The following DMD variants were observed in gnomAD, a reference collection of about 807,000 sequenced individuals.
The protein encoded by DMD is dystrophin, also known as mutant dystrophin.
DMD carries 63 observed loss-of-function variants against 330.1 expected under a neutral mutation model. The observed-to-expected ratio is 0.19, with a 90% CI of 0.16 to 0.24. DMD has a LOEUF of 0.24. DMD is among the 10% of genes least tolerant of loss of function. The pLI, the probability that DMD is intolerant of heterozygous loss-of-function variation, is 1.00. For synonymous variants in DMD, 1,223 were observed against 959.8 expected (o/e 1.27, Z -5.07); for missense variants, 3,344 against 2,684.1 (o/e 1.25, Z -5.43).
chrX:32,430,220 A>G (rs60166128), intron 29 of DMD, among the ~76,000 whole-genome samples: 32,242 of 110,929 alleles, frequency 0.29, 5,501 homozygotes, highest in African/African-American at 0.65. Context: ...TCTCACCTCT[A>G]GCTGCTAATA....
intron 6 of DMD, among the ~76,000 whole-genome samples, chrX:32,815,343 G>A (rs1268163563): frequency 9.4e-6 from 1 of 106,907 alleles, no homozygotes; most frequent in Non-Finnish European, 1.9e-5. Flanking sequence ...AACATAACTT[G>A]CACTGAAAAT....
intron 1 of DMD, among the ~76,000 whole-genome samples, chrX:33,201,734 C>G (rs1365647121): frequency 8.9e-6 from 1 of 112,295 alleles, no homozygotes; most frequent in Non-Finnish European, 1.9e-5. Context: ...TAGTATGGCA[C>G]GTTAATCTAT....
intron 63 of DMD, among the ~76,000 whole-genome samples, chrX:31,228,164 A>C (rs1405952384): frequency 9.4e-6 from 1 of 106,360 alleles, no homozygotes; most frequent in African/African-American, 3.5e-5. Flanking sequence ...CTAGATGACG[A>C]GTTAGTGGGT....
intron 7 of DMD, among the ~76,000 whole-genome samples, chrX:32,761,929 T>C (rs972307169): frequency 9.1e-6 from 1 of 110,460 alleles, no homozygotes; most frequent in Non-Finnish European, 1.9e-5. Flanking sequence ...GATGGGCAGA[T>C]CACAAGGTAA....
chrX:31,319,033 G>A (rs953124002), intron 62 of DMD, among the ~76,000 whole-genome samples: 6 of 112,229 alleles, frequency 5.3e-5, no homozygotes, highest in Non-Finnish European at 1.1e-4. Flanking sequence ...ATGCAGAAGA[G>A]GTTATGACCT....
At chrX:31,231,444 T>C (rs2047195227) in intron 63 of DMD, among the ~76,000 whole-genome samples, 1 of 112,223 alleles carries the variant, frequency 8.9e-6, no homozygotes, top group Non-Finnish European at 1.9e-5. Context: ...TCCATAATCC[T>C]TTCATCTATC....
chrX:32,588,178 T>C (rs1380749317), intron 13 of DMD, among the ~76,000 whole-genome samples: 1 of 112,288 alleles, frequency 8.9e-6, no homozygotes, highest in Non-Finnish European at 1.9e-5. Flanking sequence ...CAAGAATGTG[T>C]AAGACACATC....
chrX:32,518,204 C>T (rs894950154), intron 17 of DMD, 73 bp from the exon 18 acceptor site: 2 of 1,010,129 alleles, frequency 2.0e-6, no homozygotes, highest in African/African-American at 3.8e-5. Context: ...AGCAATTTAT[C>T]CACATTTATC....
intron 61 of DMD, 92 bp from the exon 62 acceptor site, chrX:31,323,750 C>T: frequency 1.2e-6 from 1 of 807,711 alleles, no homozygotes; most frequent in Non-Finnish European, 1.8e-6. Context: ...TACAATTTTA[C>T]ACTGATATTG....
chrX:33,257,961 T>C (rs1178647839), intron 1 of DMD, among the ~76,000 whole-genome samples: 1 of 111,013 alleles, frequency 9.0e-6, no homozygotes, highest in African/African-American at 3.3e-5. Context: ...CAAGCCAGAA[T>C]GCTTTTCAAA....
intron 1 of DMD, among the ~76,000 whole-genome samples, chrX:33,236,344 A>T (rs763127280): frequency 9.4e-6 from 1 of 105,830 alleles, no homozygotes; most frequent in South Asian, 4.4e-4. Context: ...GGCTCACTGC[A>T]ACCTCAGCCT....
At chrX:31,121,973 C>CAGAT (rs755056874) in intron 78 of DMD, 43 bp from the exon 79 acceptor site, 26 of 976,356 alleles carry the variant, frequency 2.7e-5, no homozygotes, top group African/African-American at 3.8e-5. Context: ...ACAAAAGGTG[C>CAGAT]AGATAGATAG....
At chrX:31,586,357 A>G (rs1486507876) in intron 55 of DMD, among the ~76,000 whole-genome samples, 1 of 112,650 alleles carries the variant, frequency 8.9e-6, no homozygotes, top group Non-Finnish European at 1.9e-5. Context: ...TTTGAAACAG[A>G]GTATACTATT....
chrX:32,362,767 C>T, intron 37 of DMD, 21 bp downstream of exon 37: 1 of 1,210,220 alleles, frequency 8.3e-7, no homozygotes, highest in Non-Finnish European at 1.1e-6. Context: ...CAAGTTTCCA[C>T]CTTGGAGTAG....
intron 1 of DMD, among the ~76,000 whole-genome samples, chrX:33,298,614 T>C (rs147740045): frequency 0.034 from 3,794 of 111,701 alleles, 53 homozygotes; most frequent in South Asian, 0.078. Context: ...TAACAAATTC[T>C]ATTCTCTTAG....
At chrX:32,417,985 G>GTAAGAT in intron 29 of DMD, among the ~76,000 whole-genome samples, 1 of 110,254 alleles carries the variant, frequency 9.1e-6, no homozygotes, top group Middle Eastern at 4.7e-3. Context: ...AGGCAGTGGA[G>GTAAGAT]GTGTAAGATG....
intron 44 of DMD, among the ~76,000 whole-genome samples, chrX:32,061,679 C>T (rs950388784): frequency 4.5e-5 from 5 of 111,008 alleles, no homozygotes; most frequent in African/African-American, 1.6e-4. Context: ...TGCCATTGTT[C>T]CCTGGGGTCA....
intron 63 of DMD, among the ~76,000 whole-genome samples, chrX:31,245,519 A>G (rs1342279433): frequency 8.9e-6 from 1 of 111,926 alleles, no homozygotes; most frequent in African/African-American, 3.3e-5. Flanking sequence ...GCTGTATTGC[A>G]CTTTGTGAAA....
In DMD at chrX:31,786,495, G is replaced by A. The variant is rs780698215; in HGVS notation, c.7310-12303C>T. ...TATTAAGGCCCAGTGGAAAATAATC[G>A]ATTTATTTTATGTCCTCACTACTCC... On this transcript the variant is annotated intron_variant, in intron 50 of 78. Transcript: ENST00000357033. 1.1e-4 allele frequency among the ~76,000 whole-genome samples: 12 copies of A among 110,815 alleles called. No homozygotes were observed. In the East Asian group the frequency reaches 3.4e-3, roughly 32 times the overall value.
Sources: allele counts gnomAD v4.1 joint callset (sites outside exome capture counted in the v4.1 genomes callset), GRCh38; gene constraint gnomAD v4.1.1; transcripts MANE v1.5; gene names NCBI Gene and HGNC (gene_info 2026-07-23, HGNC 2026-07-21).